The following FAM81A variants were observed in gnomAD, a reference collection of about 807,000 sequenced individuals.
FAM81A encodes protein FAM81A.
A neutral mutation model predicts 46.7 loss-of-function variants in FAM81A; 19 were observed. That is an observed-to-expected ratio of 0.41 (90% confidence interval 0.28 to 0.60). The LOEUF (loss-of-function observed/expected upper bound fraction) is 0.60, where lower values mean the gene tolerates loss of function less well. Among genes scored for constraint, FAM81A ranks in the 20% least tolerant of loss-of-function variants. The probability of loss-of-function intolerance (pLI) is 0.34; values close to 1 mark genes in which losing one functional copy is unlikely to be tolerated. For synonymous variants in FAM81A, 183 were observed against 152.9 expected, an observed-to-expected ratio of 1.20 and a Z score of -1.45; for missense variants, 377 against 453.5, an observed-to-expected ratio of 0.83 and a Z score of 1.53.
intron 3 of FAM81A, among the ~76,000 whole-genome samples, chr15:59,487,476 G>A (rs1283794615): frequency 3.3e-5 from 5 of 151,194 alleles, no homozygotes; most frequent in African/African-American, 1.2e-4. Flanking sequence ...CAAAAAGTTG[G>A]GTTTTTGAAA....
At chr15:59,503,178 G>C (rs1303699231) in intron 4 of FAM81A, among the ~76,000 whole-genome samples, 1 of 147,238 alleles carries the variant, frequency 6.8e-6, no homozygotes, top group Non-Finnish European at 1.5e-5. Context: ...GGAGGTTGCA[G>C]TGAGCTGAGA....
chr15:59,445,871 G>A (rs1320160096), intron 1 of FAM81A, among the ~76,000 whole-genome samples: 1 of 152,152 alleles, frequency 6.6e-6, no homozygotes, highest in Non-Finnish European at 1.5e-5. Flanking sequence ...AGAAAGAAAA[G>A]TTGCCAAATA....
chr15:59,415,632 C>T (rs1400577084), intron 2 of FAM81A, among the ~76,000 whole-genome samples: 1 of 152,176 alleles, frequency 6.6e-6, no homozygotes, highest in East Asian at 1.9e-4. Context: ...AAAAAGAATG[C>T]AGCTCTACAT....
At chr15:59,472,530 C>T (rs1408066724) in intron 3 of FAM81A, among the ~76,000 whole-genome samples, 2 of 150,994 alleles carry the variant, frequency 1.3e-5, no homozygotes, top group African/African-American at 4.9e-5. Context: ...CCCAGCTTCC[C>T]TGTTGATTAT....
intron 1 of FAM81A, 47 bp from the exon 2 acceptor site, chr15:59,458,503 T>C: frequency 7.2e-7 from 1 of 1,382,918 alleles, no homozygotes; most frequent in Non-Finnish European, 1.0e-6. Flanking sequence ...TGAGGTTAAG[T>C]TCTAGATATA....
intron 3 of FAM81A, among the ~76,000 whole-genome samples, chr15:59,481,119 C>T (rs117576126): frequency 0.019 from 2,886 of 151,980 alleles, 40 homozygotes; most frequent in Non-Finnish European, 0.03. Context: ...CTCAGCCTCC[C>T]GAATAGCTAG....
chr15:59,412,397 C>T (rs1183760522), intron 2 of FAM81A, among the ~76,000 whole-genome samples: 2 of 152,154 alleles, frequency 1.3e-5, no homozygotes, highest in East Asian at 3.9e-4. Flanking sequence ...ACCCCGCAAG[C>T]TGGTTTTTGG....
At chr15:59,451,577 C>T (rs183341749) in intron 1 of FAM81A, among the ~76,000 whole-genome samples, 710 of 152,168 alleles carry the variant, frequency 4.7e-3, no homozygotes, top group Admixed American at 6.7e-3. Flanking sequence ...CTGAGCCTTC[C>T]GAGTAGCTGC....
chr15:59,436,335 A>G (rs1433882488), upstream of FAM81A, among the ~76,000 whole-genome samples: 3 of 151,968 alleles, frequency 2.0e-5, no homozygotes, highest in African/African-American at 7.3e-5. Flanking sequence ...ATTAGGATCT[A>G]CTATCACTCT....
chr15:59,449,781 CAAAAAAAAAAAAAAAA>C (rs71119473), intron 1 of FAM81A, among the ~76,000 whole-genome samples: 3 of 70,314 alleles, frequency 4.3e-5, no homozygotes, highest in Non-Finnish European at 8.1e-5. Context: ...GACTCTGTCT[CAAAAAAAAAAAAAAAA>C]AAAAAAAAAA....
chr15:59,478,770 A>G (rs917888342), intron 3 of FAM81A, among the ~76,000 whole-genome samples: 3 of 152,112 alleles, frequency 2.0e-5, no homozygotes, highest in Non-Finnish European at 2.9e-5. Flanking sequence ...AGGTTTTTCA[A>G]TGTAAATGAA....
Position 59,431,401 on chromosome 15 carries a change from A to T in FAM81A, c.-77-27149A>T, listed in dbSNP as rs1032106740. On this transcript the variant is annotated intron_variant, in intron 2 of 4. Transcript: ENST00000558348. ...AGGCAAGTGCCACCAAGCCCAGCTAATTTTTGTATTTTTAGTAGAGTTGGG... is the reference window on the plus strand; with the variant it reads ...AGGCAAGTGCCACCAAGCCCAGCTATTTTTTGTATTTTTAGTAGAGTTGGG... 1.1e-4 allele frequency among the ~76,000 whole-genome samples: 17 copies of T among 151,820 alleles called. No individual in the cohort carries two copies. The South Asian group carries it at 3.5e-3, about 32-fold the overall frequency.
intron 6 of FAM81A, among the ~76,000 whole-genome samples, chr15:59,513,751 A>C (rs1363753844): frequency 6.6e-6 from 1 of 152,198 alleles, no homozygotes; most frequent in Non-Finnish European, 1.5e-5. Flanking sequence ...AATATACATC[A>C]TTCAGTTACA....
chr15:59,477,163 C>T (rs1457836203), intron 3 of FAM81A, among the ~76,000 whole-genome samples: 1 of 149,810 alleles, frequency 6.7e-6, no homozygotes, highest in Non-Finnish European at 1.5e-5. Flanking sequence ...AAACAAAGAA[C>T]AAAATAACCT....
intron 3 of FAM81A, among the ~76,000 whole-genome samples, chr15:59,470,261 T>C (rs2081668571): frequency 6.6e-6 from 1 of 152,230 alleles, no homozygotes; most frequent in African/African-American, 2.4e-5. Context: ...CCTGGCTAGG[T>C]TGGGGAAATT....
At chr15:59,519,095 C>CA (rs1433100343) in intron 8 of FAM81A, among the ~76,000 whole-genome samples, 1 of 152,054 alleles carries the variant, frequency 6.6e-6, no homozygotes, top group Non-Finnish European at 1.5e-5. Flanking sequence ...TCCATATCAG[C>CA]AATTTGTATC....
chr15:59,505,663 G>GCT (rs2141812544), intron 4 of FAM81A, among the ~76,000 whole-genome samples: 1 of 152,236 alleles, frequency 6.6e-6, no homozygotes, highest in Admixed American at 6.5e-5. Context: ...CACTGACAGG[G>GCT]GAGAATAAAG....
At chr15:59,423,770 CTT>C (rs1375147355) in intron 2 of FAM81A, among the ~76,000 whole-genome samples, 5 of 152,162 alleles carry the variant, frequency 3.3e-5, no homozygotes, top group Non-Finnish European at 7.3e-5. Context: ...ATGTAAGAGA[CTT>C]ATATTTAATT....
chr15:59,476,062 C>T (rs866747505), intron 3 of FAM81A, among the ~76,000 whole-genome samples: 1 of 152,094 alleles, frequency 6.6e-6, no homozygotes, highest in African/African-American at 2.4e-5. Flanking sequence ...TGTAGATGGT[C>T]GTCTTTTCGT....
Sources: allele counts gnomAD v4.1 joint callset (sites outside exome capture counted in the v4.1 genomes callset), GRCh38; gene constraint gnomAD v4.1.1; transcripts MANE v1.5; gene names NCBI Gene and HGNC (gene_info 2026-07-23, HGNC 2026-07-21).